The following PUDP variants were observed in gnomAD, a reference collection of about 807,000 sequenced individuals.
PUDP encodes pseudouridine 5'-phosphatase.
PUDP carries 8 observed loss-of-function variants against 9.4 expected under a neutral mutation model. That is an observed-to-expected ratio of 0.85 (90% CI 0.50 to 1.53). The LOEUF (loss-of-function observed/expected upper bound fraction) is 1.53, where lower values mean the gene tolerates loss of function less well. PUDP is among the 40% of genes most tolerant of loss of function. The probability of loss-of-function intolerance (pLI) is 0.00; values close to 1 mark genes in which losing one functional copy is unlikely to be tolerated. For missense variants in PUDP, 188 were observed against 189.7 expected, an observed-to-expected ratio of 0.99 and a Z score of 0.05; for synonymous variants, 99 against 80.7, an observed-to-expected ratio of 1.23 and a Z score of -1.22.
intron 3 of PUDP, among the ~76,000 whole-genome samples, chrX:6,964,251 G>A (rs780281787): frequency 4.4e-5 from 5 of 112,424 alleles, no homozygotes; most frequent in African/African-American, 1.6e-4. Flanking sequence ...AAAATGTACA[G>A]GAAATGGTGA....
intron 3 of PUDP, among the ~76,000 whole-genome samples, chrX:6,793,254 TA>T (rs1925781778): frequency 8.9e-6 from 1 of 111,937 alleles, no homozygotes; most frequent in Admixed American, 9.4e-5. Flanking sequence ...TGCACCAACC[TA>T]ATATGTCCTC....
intron 3 of PUDP, among the ~76,000 whole-genome samples, chrX:6,792,997 C>T (rs7885762): frequency 0.12 from 13,311 of 112,155 alleles, 1,030 homozygotes; most frequent in African/African-American, 0.27. Context: ...TCAGTCTGTT[C>T]GTGCAGCTAT....
chrX:7,113,414 T>C (rs1483939905), intron 1 of PUDP: 6 of 114,055 alleles, frequency 5.3e-5, no homozygotes, highest in Admixed American at 9.3e-5. Flanking sequence ...ATGGAGGCCA[T>C]GGTGTGGGCG....
intron 3 of PUDP, among the ~76,000 whole-genome samples, chrX:6,914,479 T>A (rs1412173553): frequency 8.9e-6 from 1 of 111,916 alleles, no homozygotes; most frequent in Non-Finnish European, 1.9e-5. Context: ...CTCTCCATGG[T>A]GTCTCTAAAG....
chrX:6,930,681 CCTTT>C (rs1364211498), intron 3 of PUDP, among the ~76,000 whole-genome samples: 7 of 103,005 alleles, frequency 6.8e-5, no homozygotes, highest in African/African-American at 1.7e-4. Flanking sequence ...TTCTTTTGTT[CCTTT>C]CTTTCTTAAT....
rs1930063365 is a variant in PUDP at position 7,050,356 on chromosome X, C to G, written c.627G>C (p.Leu209=). Residue 209 remains leucine (L), a synonymous_variant, in exon 4 of 4, where the codon CTG becomes CTC. Coordinates refer to ENST00000381077, the MANE Select transcript of PUDP (RefSeq NM_012080.5). The part of the protein sequence containing the change: ...LSRDLTTKAT[L]VLNSLQDFQP... ...GGAAGTCCTGCAGGGAATTCAGCAC[C>G]AGGGTGGCCTTTGTTGTCAGATCTC... 8.3e-7 allele frequency: 1 copy of G among 1,211,510 alleles called. No individual in the cohort carries two copies. Among genetic ancestry groups the G allele is most frequent in the African/African-American group, 1.7e-5 (1 of 57,808 alleles).
chrX:6,925,312 T>C (rs1928085195), intron 3 of PUDP, among the ~76,000 whole-genome samples: 1 of 111,820 alleles, frequency 8.9e-6, no homozygotes, highest in African/African-American at 3.3e-5. Flanking sequence ...AGGGATAACA[T>C]TTCTTCATTT....
intron 3 of PUDP, among the ~76,000 whole-genome samples, chrX:6,957,478 A>G (rs996828450): frequency 1.8e-5 from 2 of 111,486 alleles, no homozygotes; most frequent in Non-Finnish European, 3.8e-5. Context: ...ACACAGTACA[A>G]AGTCTCTCAC....
At chrX:6,857,040 C>T (rs757958239) in intron 3 of PUDP, among the ~76,000 whole-genome samples, 6 of 112,350 alleles carry the variant, frequency 5.3e-5, no homozygotes, top group Non-Finnish European at 1.1e-4. Flanking sequence ...ATATACTAAA[C>T]GAAAGAATGT....
At chrX:7,101,374 C>A (rs1931728860) in intron 2 of PUDP, among the ~76,000 whole-genome samples, 2 of 111,330 alleles carry the variant, frequency 1.8e-5, no homozygotes, top group Admixed American at 9.5e-5. Context: ...ACTGAACTAT[C>A]TTTGAAGAAC....
intron 2 of PUDP, among the ~76,000 whole-genome samples, chrX:7,101,728 ACACT>A (rs1360516563): frequency 9.0e-6 from 1 of 111,595 alleles, no homozygotes; most frequent in African/African-American, 3.3e-5. Flanking sequence ...GTCACAAAAG[ACACT>A]CAGTCACAGA....
intron 1 of PUDP, among the ~76,000 whole-genome samples, chrX:7,125,570 A>C (rs1009886987): frequency 9.8e-5 from 11 of 111,887 alleles, no homozygotes; most frequent in Non-Finnish European, 1.7e-4. Flanking sequence ...TTTTCAGTGA[A>C]GGTGACAGGC....
intron 3 of PUDP, among the ~76,000 whole-genome samples, chrX:6,754,628 A>G (rs898586131): frequency 2.8e-5 from 3 of 108,821 alleles, no homozygotes; most frequent in Non-Finnish European, 3.8e-5. Context: ...ATTATAACAT[A>G]GTTTATAAAA....
intron 3 of PUDP, among the ~76,000 whole-genome samples, chrX:6,775,512 C>CATAT (rs1464176271): frequency 7.4e-4 from 81 of 110,002 alleles, no homozygotes; most frequent in African/African-American, 2.6e-3. Context: ...CATACACACA[C>CATAT]ACACACACAC....
At chrX:6,938,557 A>G (rs200714565) in intron 3 of PUDP, among the ~76,000 whole-genome samples, 1 of 97,096 alleles carries the variant, frequency 1.0e-5, no homozygotes, top group Non-Finnish European at 2.0e-5. Context: ...TGGGTGCAGC[A>G]CACCAGCATG....
intron 3 of PUDP, among the ~76,000 whole-genome samples, chrX:6,943,476 C>T (rs1050364536): frequency 4.5e-5 from 5 of 111,134 alleles, no homozygotes; most frequent in African/African-American, 6.5e-5. Context: ...CCAGATTTTT[C>T]GTTAATTTGA....
intron 2 of PUDP, among the ~76,000 whole-genome samples, chrX:6,977,825 G>C (rs1414769469): frequency 2.7e-5 from 3 of 112,801 alleles, no homozygotes; most frequent in Non-Finnish European, 5.6e-5. Flanking sequence ...CATAGACAAT[G>C]CATGAGCTAG....
Position 7,050,080 on chromosome X carries a change from G to C in PUDP, c.*216C>G. The C allele has an allele frequency of 2.7e-6, 1 of 377,051 alleles. No homozygotes were observed. Among genetic ancestry groups the C allele is most frequent in the Non-Finnish European group, 4.6e-6 (1 of 217,001 alleles). 31.1% of individuals were successfully genotyped at this position (377,051 alleles called of 1,213,427 possible). Reference sequence around the variant, plus strand: ...AAGTTTCATCTTTGTTCTGGGCTTCGTTTCTGTCTCTACTGTATTTTTTGT... The same window carrying C: ...AAGTTTCATCTTTGTTCTGGGCTTCCTTTCTGTCTCTACTGTATTTTTTGT... On this transcript the variant is annotated 3_prime_UTR_variant, in exon 4 of 4. Transcript: ENST00000381077.
intron 3 of PUDP, among the ~76,000 whole-genome samples, chrX:6,787,358 C>T (rs888817583): frequency 8.9e-6 from 1 of 112,159 alleles, no homozygotes; most frequent in African/African-American, 3.2e-5. Flanking sequence ...CTATTGGTAG[C>T]TGTGTGCATT....
Sources: gnomAD v4.1 joint callset for allele counts (sites outside exome capture counted in the v4.1 genomes callset) on GRCh38, gnomAD v4.1.1 for gene constraint, MANE v1.5 for transcripts, NCBI Gene and HGNC (gene_info 2026-07-23, HGNC 2026-07-21) for gene names.